LOC128462377: variants seen among roughly 807,000 people sequenced by gnomAD.
At chr16:89,325,449 C>CCCCTCTCCT in the LOC128462377 span, among the ~76,000 whole-genome samples, 2 of 139,532 alleles carry the variant, frequency 1.4e-5, no homozygotes, top group Non-Finnish European at 3.1e-5. Flanking sequence ...TCTCCCCTCT[C>CCCCTCTCCT]CTCTCTCTCT....
the LOC128462377 span, among the ~76,000 whole-genome samples, chr16:89,330,800 C>T: frequency 6.6e-6 from 1 of 152,016 alleles, no homozygotes; most frequent in Non-Finnish European, 1.5e-5. Flanking sequence ...CGGTGCTCCA[C>T]TTCTGAAGGG....
At chr16:89,325,685 T>C in the LOC128462377 span, among the ~76,000 whole-genome samples, 1,702 of 152,312 alleles carry the variant, frequency 0.011, 36 homozygotes, top group African/African-American at 0.039. Flanking sequence ...GCGTTTGCTT[T>C]GTGGTCTGCT....
the LOC128462377 span, among the ~76,000 whole-genome samples, chr16:89,363,230 A>T: frequency 6.6e-6 from 1 of 152,184 alleles, no homozygotes; most frequent in Non-Finnish European, 1.5e-5. Context: ...GTAAGTTTTC[A>T]TTTAAAATTT....
At chr16:89,337,677 G>A in the LOC128462377 span, among the ~76,000 whole-genome samples, 1 of 151,884 alleles carries the variant, frequency 6.6e-6, no homozygotes, top group Non-Finnish European at 1.5e-5. Context: ...CCTGACCTCG[G>A]GATCCACCCG....
the LOC128462377 span, among the ~76,000 whole-genome samples, chr16:89,406,430 G>A: frequency 6.6e-6 from 1 of 152,204 alleles, no homozygotes; most frequent in Non-Finnish European, 1.5e-5. Context: ...AGTCCTAGAG[G>A]AGAAGCAGCA....
At chr16:89,359,188 G>A in the LOC128462377 span, among the ~76,000 whole-genome samples, 5 of 152,148 alleles carry the variant, frequency 3.3e-5, no homozygotes, top group Admixed American at 2.0e-4. Flanking sequence ...ACAAGATCAC[G>A]GAAATGCGAT....
chr16:89,391,924 T>G, the LOC128462377 span, among the ~76,000 whole-genome samples: 3 of 152,264 alleles, frequency 2.0e-5, no homozygotes, highest in Non-Finnish European at 4.4e-5. Context: ...TGCCCTGGCA[T>G]GCTTATACTG....
At chr16:89,373,054 G>A in the LOC128462377 span, 1 of 152,326 alleles carries the variant, frequency 6.6e-6, no homozygotes, top group Admixed American at 6.5e-5. Flanking sequence ...CCGTTCCTCT[G>A]TCCCCATTGT....
the LOC128462377 span, among the ~76,000 whole-genome samples, chr16:89,347,992 G>A: frequency 2.0e-4 from 31 of 151,972 alleles, no homozygotes; most frequent in African/African-American, 7.5e-4. Context: ...GGAGTGAAAT[G>A]GCATGATCTC....
the LOC128462377 span, chr16:89,360,787 A>G: frequency 6.6e-6 from 1 of 152,236 alleles, no homozygotes; most frequent in Admixed American, 6.5e-5. Flanking sequence ...GATTCACTAA[A>G]AACTCCTGTT....
the LOC128462377 span, among the ~76,000 whole-genome samples, chr16:89,353,299 G>A: frequency 7.9e-5 from 12 of 151,724 alleles, no homozygotes; most frequent in South Asian, 1.9e-3. Context: ...CCAAGATGGC[G>A]CCACTGCACT....
At chr16:89,326,881 G>A in the LOC128462377 span, among the ~76,000 whole-genome samples, 1 of 152,252 alleles carries the variant, frequency 6.6e-6, no homozygotes, top group Admixed American at 6.5e-5. Context: ...TGGCATCCGG[G>A]CACATCTGCA....
the LOC128462377 span, among the ~76,000 whole-genome samples, chr16:89,378,770 G>C: frequency 6.6e-5 from 10 of 152,226 alleles, no homozygotes. Context: ...TATTTTAGTA[G>C]AGACGGGGTT....
the LOC128462377 span, among the ~76,000 whole-genome samples, chr16:89,340,943 G>C: frequency 9.9e-5 from 15 of 152,130 alleles, no homozygotes; most frequent in Non-Finnish European, 2.1e-4. Context: ...ATGTGGGAGT[G>C]AACATCAGCC....
At chr16:89,355,069 A>C in the LOC128462377 span, among the ~76,000 whole-genome samples, 1 of 152,198 alleles carries the variant, frequency 6.6e-6, no homozygotes, top group African/African-American at 2.4e-5. Context: ...TTCATCTAAA[A>C]ACATCAGAAA....
the LOC128462377 span, among the ~76,000 whole-genome samples, chr16:89,371,432 A>C: frequency 6.6e-6 from 1 of 152,204 alleles, no homozygotes; most frequent in Non-Finnish European, 1.5e-5. Context: ...TGCTCGGTGC[A>C]TGGAGGCCAG....
At chr16:89,376,075 A>T in the LOC128462377 span, among the ~76,000 whole-genome samples, 105 of 152,354 alleles carry the variant, frequency 6.9e-4, no homozygotes, top group South Asian at 1.7e-3. Flanking sequence ...AACAGGCTTG[A>T]AAATTTTTTT....
chr16:89,372,796 G>C, the LOC128462377 span: 2 of 152,162 alleles, frequency 1.3e-5, no homozygotes, highest in African/African-American at 2.4e-5. Context: ...AACAAATGTT[G>C]AGAGTCAGAA....
chr16:89,389,256 C>G, the LOC128462377 span, among the ~76,000 whole-genome samples: 106 of 152,068 alleles, frequency 7.0e-4, 2 homozygotes, highest in East Asian at 0.016. Context: ...AACTCCTGGG[C>G]TCAAGCAATC....
Sources: allele counts gnomAD v4.1 joint callset (sites outside exome capture counted in the v4.1 genomes callset), GRCh38; gene constraint gnomAD v4.1.1; transcripts MANE v1.5.